DGKB: variants seen among roughly 807,000 people sequenced by gnomAD.
The protein encoded by DGKB is diacylglycerol kinase beta, also known as 90 kDa diacylglycerol kinase.
Under a neutral mutation model 114.3 loss-of-function variants are expected in DGKB, and 67 were observed. The observed-to-expected ratio is 0.59, with a 90% CI of 0.48 to 0.72. The LOEUF is 0.72. Ranked by LOEUF, DGKB falls within the 30% of genes least tolerant of loss-of-function variation. DGKB has a pLI of 0.00. For synonymous variants in DGKB, 398 were observed against 323.1 expected, an observed-to-expected ratio of 1.23 and a Z score of -2.49; for missense variants, 907 against 975.2, an observed-to-expected ratio of 0.93 and a Z score of 0.93.
intron 13 of DGKB, among the ~76,000 whole-genome samples, chr7:14,656,431 G>C (rs1292315313): frequency 6.6e-6 from 1 of 151,018 alleles, no homozygotes; most frequent in Admixed American, 6.6e-5. Context: ...GAAGAAAATT[G>C]ACATTTTAAA....
At chr7:14,588,806 A>G (rs1374859628) in intron 17 of DGKB, among the ~76,000 whole-genome samples, 2 of 152,078 alleles carry the variant, frequency 1.3e-5, no homozygotes, top group Non-Finnish European at 2.9e-5. Context: ...TCTCGCAATT[A>G]CTACAGCTTT....
At chr7:14,716,688 A>C (rs1350104718) in intron 6 of DGKB, among the ~76,000 whole-genome samples, 1 of 152,162 alleles carries the variant, frequency 6.6e-6, no homozygotes, top group Non-Finnish European at 1.5e-5. Context: ...AATTGTTAAG[A>C]AAGTGGATGA....
chr7:14,421,307 C>A (rs532343717), intron 21 of DGKB, among the ~76,000 whole-genome samples: 3 of 151,952 alleles, frequency 2.0e-5, no homozygotes, highest in Non-Finnish European at 4.4e-5. Flanking sequence ...AATCCTTGTT[C>A]AATACATCAA....
chr7:14,523,823 C>T (rs922877175), intron 20 of DGKB, among the ~76,000 whole-genome samples: 1 of 152,084 alleles, frequency 6.6e-6, no homozygotes, highest in African/African-American at 2.4e-5. Context: ...TGTTTGAATC[C>T]TAACTCTATT....
At chr7:14,381,879 A>G (rs1392776547) in intron 21 of DGKB, among the ~76,000 whole-genome samples, 1 of 152,198 alleles carries the variant, frequency 6.6e-6, no homozygotes, top group South Asian at 2.1e-4. Context: ...TTCAGTTTCC[A>G]TCTGTACTTA....
chr7:14,835,928 A>G (rs144873041), intron 2 of DGKB, among the ~76,000 whole-genome samples: 55 of 152,328 alleles, frequency 3.6e-4, no homozygotes, highest in African/African-American at 1.3e-3. Flanking sequence ...TACTGCGAGG[A>G]TTAAATGAGT....
At chr7:14,213,848 A>T (rs1221382685) in intron 23 of DGKB, among the ~76,000 whole-genome samples, 1 of 152,182 alleles carries the variant, frequency 6.6e-6, no homozygotes, top group Non-Finnish European at 1.5e-5. Flanking sequence ...GCTTCTTCAC[A>T]TTACAGCCAA....
At chr7:14,922,380 G>GTGTGTGTGTGTA (rs1784548789) in intron 1 of DGKB, among the ~76,000 whole-genome samples, 1 of 87,004 alleles carries the variant, frequency 1.1e-5, no homozygotes, top group African/African-American at 4.0e-5. Flanking sequence ...TCCATCGTGT[G>GTGTGTGTGTGTA]TGTGTGTGTG....
At chr7:14,176,927 T>C (rs1338943752) in intron 24 of DGKB, 28 bp from the exon 25 acceptor site, 2 of 1,612,508 alleles carry the variant, frequency 1.2e-6, no homozygotes, top group South Asian at 1.1e-5. Flanking sequence ...ATTGTAAGTA[T>C]TGCAAGGAAA....
At chr7:14,560,065 T>C (rs1163673340) in intron 20 of DGKB, among the ~76,000 whole-genome samples, 3 of 36,170 alleles carry the variant, frequency 8.3e-5, no homozygotes, top group Non-Finnish European at 2.0e-4. Context: ...GTTATTAGAT[T>C]TTTTTTTTAC....
intron 6 of DGKB, among the ~76,000 whole-genome samples, chr7:14,710,100 T>C (rs77478822): frequency 0.012 from 1,898 of 152,094 alleles, 38 homozygotes; most frequent in African/African-American, 0.044. Context: ...ACTGAACCTA[T>C]AGATCTGTTT....
intron 12 of DGKB, among the ~76,000 whole-genome samples, chr7:14,676,707 GCTGA>G (rs994014279): frequency 6.6e-6 from 1 of 151,954 alleles, no homozygotes; most frequent in African/African-American, 2.4e-5. Context: ...GATGCTGAAG[GCTGA>G]CTATTGTTTT....
At chr7:14,577,466 A>C (rs1799310792) in intron 19 of DGKB, among the ~76,000 whole-genome samples, 1 of 152,120 alleles carries the variant, frequency 6.6e-6, no homozygotes, top group East Asian at 1.9e-4. Context: ...AAGTACAAAA[A>C]ATTAGCCTGG....
intron 23 of DGKB, among the ~76,000 whole-genome samples, chr7:14,211,208 A>G (rs963124801): frequency 6.6e-6 from 1 of 152,098 alleles, no homozygotes. Context: ...AAAGGGCTTC[A>G]TCATCCTAAT....
intron 23 of DGKB, among the ~76,000 whole-genome samples, chr7:14,296,186 C>T (rs1179171912): frequency 6.6e-6 from 1 of 152,008 alleles, no homozygotes; most frequent in Admixed American, 6.6e-5. Flanking sequence ...TGTGTGCCAC[C>T]ATGCCCAGCT....
intron 25 of DGKB, among the ~76,000 whole-genome samples, chr7:14,154,210 A>G (rs1263037110): frequency 7.0e-6 from 1 of 143,546 alleles, no homozygotes; most frequent in African/African-American, 2.6e-5. Flanking sequence ...GAAAAATGAG[A>G]TCTATTGTAA....
intron 23 of DGKB, among the ~76,000 whole-genome samples, chr7:14,219,550 T>G (rs930422199): frequency 6.6e-6 from 1 of 151,832 alleles, no homozygotes; most frequent in Non-Finnish European, 1.5e-5. Context: ...GATTAGTATC[T>G]CTTCTATACG....
intron 17 of DGKB, among the ~76,000 whole-genome samples, chr7:14,590,542 G>A (rs1801533650): frequency 6.6e-6 from 1 of 152,102 alleles, no homozygotes; most frequent in Non-Finnish European, 1.5e-5. Flanking sequence ...CCATGTGACT[G>A]TCAGACCAGC....
chr7:14,582,554 A>T (rs1800097027), intron 18 of DGKB, among the ~76,000 whole-genome samples: 1 of 152,156 alleles, frequency 6.6e-6, no homozygotes, highest in African/African-American at 2.4e-5. Flanking sequence ...GATTATTAAT[A>T]CTATCTGTAT....
Sources: gnomAD v4.1 joint callset for allele counts (sites outside exome capture counted in the v4.1 genomes callset) on GRCh38, gnomAD v4.1.1 for gene constraint, MANE v1.5 for transcripts, NCBI Gene and HGNC (gene_info 2026-07-23, HGNC 2026-07-21) for gene names.